The following ZZZ3 variants were observed in gnomAD, a reference collection of about 807,000 sequenced individuals.
ZZZ3 encodes zinc finger ZZ-type containing 3, also known as ZZ-type zinc finger-containing protein 3.
A neutral mutation model predicts 95.2 loss-of-function variants in ZZZ3; 22 were observed. That is an observed-to-expected ratio of 0.23 (90% CI 0.17 to 0.33). ZZZ3 has a LOEUF of 0.33. Ranked by LOEUF, ZZZ3 falls within the 10% of genes least tolerant of loss-of-function variation. The pLI is 1.00. For missense variants in ZZZ3, 885 were observed against 1,066.5 expected (o/e 0.83, Z 2.37); for synonymous variants, 335 against 358.9 (o/e 0.93, Z 0.75).
intron 1 of ZZZ3, among the ~76,000 whole-genome samples, chr1:77,654,509 T>C (rs1046693324): frequency 6.6e-6 from 1 of 152,178 alleles, no homozygotes; most frequent in Admixed American, 6.5e-5. Flanking sequence ...ATAATATTTT[T>C]AAAATAATAC....
chr1:77,595,279 A>G (rs1664112739), intron 5 of ZZZ3, among the ~76,000 whole-genome samples: 1 of 152,072 alleles, frequency 6.6e-6, no homozygotes, highest in South Asian at 2.1e-4. Context: ...ATGTACTCTA[A>G]GAGAAATACA....
chr1:77,608,438 G>C (rs113058974), intron 5 of ZZZ3, among the ~76,000 whole-genome samples: 3 of 152,260 alleles, frequency 2.0e-5, no homozygotes, highest in African/African-American at 7.2e-5. Context: ...GAGAAATAAT[G>C]ACTTTCCCAA....
At position 77,591,435 on chromosome 1, in the gene ZZZ3, G is replaced by A. The variant is rs115603762; in HGVS notation, c.1506-6780C>T. ...ATAGGTCACTGCAGCCTCAAACTCA[G>A]GGCTCAAGTTGTCCTCCCACCCCAG... On this transcript the variant is annotated intron_variant, in intron 5 of 14. Coordinates refer to ENST00000370801, the MANE Select transcript of ZZZ3 (RefSeq NM_015534.6). Among the ~76,000 whole-genome samples the A allele has an allele frequency of 4.6e-3, 700 of 152,226 alleles. 3 individuals carry two copies. Among genetic ancestry groups the A allele is most frequent in the Middle Eastern group, 0.01 (3 of 290 alleles).
chr1:77,658,910 T>C (rs182493041), intron 1 of ZZZ3, among the ~76,000 whole-genome samples: 1 of 152,342 alleles, frequency 6.6e-6, no homozygotes, highest in Non-Finnish European at 1.5e-5. Context: ...TAAAGCTTCA[T>C]TTGTTAAAAA....
intron 4 of ZZZ3, among the ~76,000 whole-genome samples, chr1:77,636,705 GAA>G (rs10568853): frequency 0.21 from 14,029 of 67,282 alleles, 1,037 homozygotes; most frequent in East Asian, 0.41. Flanking sequence ...GCCCTGTCTT[GAA>G]AAAAAAAAAA....
chr1:77,620,957 T>A (rs1666795856), intron 5 of ZZZ3, among the ~76,000 whole-genome samples: 1 of 152,154 alleles, frequency 6.6e-6, no homozygotes, highest in African/African-American at 2.4e-5. Context: ...ACCATGTATA[T>A]AATACACTAA....
chr1:77,589,615 GGGTTT>G (rs754883058), intron 5 of ZZZ3, among the ~76,000 whole-genome samples: 3 of 151,700 alleles, frequency 2.0e-5, no homozygotes, highest in African/African-American at 7.3e-5. Context: ...TTGTTCTCTG[GGGTTT>G]GGTTTGGTTT....
chr1:77,628,671 G>A (rs1294052544), intron 5 of ZZZ3, among the ~76,000 whole-genome samples: 1 of 152,216 alleles, frequency 6.6e-6, no homozygotes, highest in Non-Finnish European at 1.5e-5. Context: ...TAGGATAGAA[G>A]GCTGTTGATC....
At position 77,632,467 on chromosome 1, in the gene ZZZ3, A is replaced by G. The variant is rs373827735; in HGVS notation, c.888T>C (p.Thr296=). 11 of 1,614,056 alleles carry G rather than the reference A, an allele frequency of 6.8e-6. No individual in the cohort carries two copies. The highest frequency in any genetic ancestry group is 1.3e-5 in the African/African-American group (1 of 74,938). ...AAAAGGGCCCTGTAGCTGGCTCAGT[A>G]GTCAGCTGATTAACATGTTCCACAG... ...CLPVEHVNQL[T]TEPATGPFSE... is the part of the protein sequence containing the mutation. Residue 296 remains threonine, a synonymous_variant, in exon 5 of 15, where the codon ACT becomes ACC. Coordinates refer to ENST00000370801, the MANE Select transcript of ZZZ3 (RefSeq NM_015534.6).
intron 1 of ZZZ3, among the ~76,000 whole-genome samples, chr1:77,667,934 T>A (rs1341851230): frequency 6.6e-6 from 1 of 151,820 alleles, no homozygotes; most frequent in Non-Finnish European, 1.5e-5. Context: ...CCGGCTAATT[T>A]TTGTATTTTT....
chr1:77,587,276 T>G (rs1663177954), intron 5 of ZZZ3, among the ~76,000 whole-genome samples: 2 of 148,368 alleles, frequency 1.3e-5, no homozygotes, highest in Non-Finnish European at 1.5e-5. Flanking sequence ...TTTTTTTTTT[T>G]TTTTGAGACA....
intron 6 of ZZZ3, among the ~76,000 whole-genome samples, chr1:77,582,441 A>G (rs1662613842): frequency 6.6e-6 from 1 of 152,170 alleles, no homozygotes; most frequent in Admixed American, 6.5e-5. Flanking sequence ...TCCATATACC[A>G]ATATATATCA....
At chr1:77,595,135 C>T (rs980606620) in intron 5 of ZZZ3, among the ~76,000 whole-genome samples, 6 of 151,976 alleles carry the variant, frequency 3.9e-5, no homozygotes, top group African/African-American at 1.4e-4. Flanking sequence ...TGCAGCACTA[C>T]CTTCAAGATC....
At chr1:77,668,470 T>C (rs1201525863) in intron 1 of ZZZ3, among the ~76,000 whole-genome samples, 2 of 152,188 alleles carry the variant, frequency 1.3e-5, no homozygotes, top group Non-Finnish European at 2.9e-5. Context: ...AAAGAGCACT[T>C]ACTGAGCATC....
chr1:77,672,610 A>G (rs1225686884), intron 1 of ZZZ3, among the ~76,000 whole-genome samples: 1 of 152,252 alleles, frequency 6.6e-6, no homozygotes, highest in African/African-American at 2.4e-5. Flanking sequence ...ATTATTTAAA[A>G]CAAACAACTT....
chr1:77,679,368 C>A (rs1411328752), intron 1 of ZZZ3, among the ~76,000 whole-genome samples: 1 of 152,188 alleles, frequency 6.6e-6, no homozygotes, highest in South Asian at 2.1e-4. Flanking sequence ...TGCAATGGTG[C>A]AATCACAGCT....
Position 77,579,562 on chromosome 1 carries a change from T to C in ZZZ3, c.2047A>G (p.Ile683Val), listed in dbSNP as rs1662295645. 6.3e-7 allele frequency: 1 copy of C among 1,590,344 alleles called. No homozygotes were observed. Among genetic ancestry groups the C allele is most frequent in the South Asian group, 1.1e-5 (1 of 88,004 alleles). ...EEVESRRWQK[I>V]ADELGNRTAK... is the part of the protein sequence containing the mutation. ...GTCCTGTTGCCCAATTCATCTGCTA[T>C]CTTCTGCCAGCGTCGAGATTCTACT... The change falls in exon 10 of 15, where the codon ATA becomes GTA. Residue 683 changes from isoleucine to valine, a missense_variant. By Grantham distance (29) the Ile-to-Val change is conservative (BLOSUM62 3). Coordinates refer to ENST00000370801, the MANE Select transcript of ZZZ3 (RefSeq NM_015534.6).
intron 5 of ZZZ3, among the ~76,000 whole-genome samples, chr1:77,606,625 C>A (rs1353802997): frequency 6.6e-6 from 1 of 152,186 alleles, no homozygotes; most frequent in Admixed American, 6.5e-5. Context: ...CAGCCCCAAG[C>A]AGCTCAGCAC....
At position 77,579,606 on chromosome 1, in the gene ZZZ3, A is replaced by T. The variant is rs201334965; in HGVS notation, c.2003T>A (p.Ile668Asn). The change falls in exon 10 of 15, where the codon ATC becomes AAC. Residue 668 changes from isoleucine (I) to asparagine (N), a missense_variant. Ile to Asn is a moderately radical substitution (Grantham distance 149). Coordinates refer to ENST00000370801, the MANE Select transcript of ZZZ3 (RefSeq NM_015534.6). ...TTCTACTTCTTCAGGAGGGTATTTG[A>T]TGAGTAGCTGTTCCAGCTTTTTCTA... ...EEQKKLEQLL[I>N]KYPPEEVESR... 1.5e-5 allele frequency: 24 copies of T among 1,582,692 alleles called. No individual in the cohort carries two copies. In the East Asian group the frequency reaches 5.5e-4, roughly 36 times the overall value.
Sources: allele counts gnomAD v4.1 joint callset (sites outside exome capture counted in the v4.1 genomes callset), GRCh38; gene constraint gnomAD v4.1.1; transcripts MANE v1.5; gene names NCBI Gene and HGNC (gene_info 2026-07-23, HGNC 2026-07-21).